The following HIRA variants were observed in gnomAD, a reference collection of about 807,000 sequenced individuals.
HIRA encodes protein HIRA.
A neutral mutation model predicts 126.6 loss-of-function variants in HIRA; 13 were observed. That is an observed-to-expected ratio of 0.10 (90% CI 0.07 to 0.16). The LOEUF (loss-of-function observed/expected upper bound fraction) is 0.16. Among genes scored for constraint, HIRA ranks in the 10% least tolerant of loss-of-function variants. The probability of loss-of-function intolerance (pLI) is 1.00; values close to 1 mark genes in which losing one functional copy is unlikely to be tolerated. For missense variants in HIRA, 834 were observed against 1,314.4 expected (o/e 0.63, Z 5.65); for synonymous variants, 511 against 520.0 (o/e 0.98, Z 0.24).
chr22:19,380,555 ATCT>A (rs974627965), intron 13 of HIRA, among the ~76,000 whole-genome samples: 5 of 152,160 alleles, frequency 3.3e-5, no homozygotes, highest in African/African-American at 7.2e-5. Flanking sequence ...TCCCTGGCTA[ATCT>A]TCTTTTTCAG....
chr22:19,345,361 T>C lies in HIRA; in HGVS notation c.2937+5997A>G, dbSNP rs185477294. On this transcript the variant is annotated intron_variant, in intron 24 of 24. Transcript: ENST00000263208. ...AATGTAAAGAGCAGCCAAGTATTAT[T>C]GATATTTCCTCACCCTTCGGCTCTC... Among the ~76,000 whole-genome samples, 14 of 152,324 alleles carry C rather than the reference T, an allele frequency of 9.2e-5. No homozygotes were observed. The East Asian group carries it at 2.3e-3, about 25-fold the overall frequency.
intron 18 of HIRA, among the ~76,000 whole-genome samples, chr22:19,357,733 C>T (rs565394631): frequency 2.0e-5 from 3 of 152,256 alleles, no homozygotes; most frequent in Admixed American, 6.5e-5. Flanking sequence ...ACAGCCAGTA[C>T]AGTGAGATCC....
At chr22:19,388,984 C>G (rs2146221962) in intron 9 of HIRA, among the ~76,000 whole-genome samples, 1 of 152,294 alleles carries the variant, frequency 6.6e-6, no homozygotes, top group South Asian at 2.1e-4. Flanking sequence ...CACATCTTCC[C>G]TGGGCCCAAG....
intron 6 of HIRA, among the ~76,000 whole-genome samples, chr22:19,397,361 C>T (rs1490685182): frequency 6.6e-6 from 1 of 152,266 alleles, no homozygotes; most frequent in East Asian, 1.9e-4. Flanking sequence ...ACGACGGTAC[C>T]CCATATAGAT....
In HIRA at chr22:19,334,264, T is replaced by C. The variant is rs182733942; in HGVS notation, c.2938-2708A>G. Among the ~76,000 whole-genome samples, 819 of 150,582 alleles carry C rather than the reference T, an allele frequency of 5.4e-3. 13 individuals carry two copies. The highest frequency in any genetic ancestry group is 0.019 in the African/African-American group (782 of 41,118). On this transcript the variant is annotated intron_variant, in intron 24 of 24. Transcript: ENST00000263208. ...TGCTGGGATTACAGGCATGAGCCACTGCACCCGGCCCTCATTTTCTTCATA... is the reference window on the plus strand; with the variant it reads ...TGCTGGGATTACAGGCATGAGCCACCGCACCCGGCCCTCATTTTCTTCATA...
chr22:19,417,363 C>T (rs1028670836), intron 1 of HIRA, among the ~76,000 whole-genome samples: 7 of 150,190 alleles, frequency 4.7e-5, no homozygotes, highest in Non-Finnish European at 7.4e-5. Context: ...GTGGCTCATG[C>T]CTGTAATCCC....
At chr22:19,430,117 C>T (rs190824391) in intron 1 of HIRA, 16 of 152,274 alleles carry the variant, frequency 1.1e-4, no homozygotes, top group African/African-American at 3.9e-4. Flanking sequence ...TTATCACATA[C>T]CCATCATGTG....
chr22:19,335,102 A>G (rs1049339695), intron 24 of HIRA, among the ~76,000 whole-genome samples: 3 of 152,146 alleles, frequency 2.0e-5, no homozygotes, highest in Non-Finnish European at 4.4e-5. Flanking sequence ...CACTTTGCAT[A>G]ATGTGTAAAA....
intron 1 of HIRA, among the ~76,000 whole-genome samples, chr22:19,426,710 T>G (rs2089491088): frequency 6.6e-6 from 1 of 152,226 alleles, no homozygotes; most frequent in South Asian, 2.1e-4. Context: ...CAATGTTTGT[T>G]GCATAAATCA....
At chr22:19,377,795 A>G in intron 14 of HIRA, 74 bp downstream of exon 14, 6 of 1,327,342 alleles carry the variant, frequency 4.5e-6, no homozygotes, top group Middle Eastern at 2.7e-4. Flanking sequence ...ACAGAATAAA[A>G]TTCTCTGTCC....
chr22:19,360,942 G>C (rs916841726), intron 17 of HIRA, among the ~76,000 whole-genome samples: 2 of 152,196 alleles, frequency 1.3e-5, no homozygotes, highest in Non-Finnish European at 2.9e-5. Flanking sequence ...CTTCCAGCCA[G>C]GACACCTGAG....
chr22:19,411,665 C>A (rs1422569482), intron 1 of HIRA, among the ~76,000 whole-genome samples: 2 of 152,228 alleles, frequency 1.3e-5, no homozygotes, highest in Non-Finnish European at 2.9e-5. Context: ...AAAGGAGATA[C>A]ATGACAATGA....
chr22:19,394,248 T>C, intron 8 of HIRA, 94 bp downstream of exon 8: 2 of 1,424,210 alleles, frequency 1.4e-6, no homozygotes, highest in South Asian at 2.7e-5. Context: ...AAAATTAGCT[T>C]TTAAATATTT....
intron 15 of HIRA, among the ~76,000 whole-genome samples, chr22:19,369,132 G>T (rs1268669153): frequency 6.6e-6 from 1 of 152,200 alleles, no homozygotes; most frequent in African/African-American, 2.4e-5. Flanking sequence ...TCCATCCTAG[G>T]TTCTGTCTGC....
At chr22:19,430,638 T>C (rs879851140) in intron 1 of HIRA, among the ~76,000 whole-genome samples, 1 of 52,418 alleles carries the variant, frequency 1.9e-5, no homozygotes, top group African/African-American at 7.7e-5. Flanking sequence ...CAGAGTGGGG[T>C]GGGGGAGGGG....
intron 4 of HIRA, among the ~76,000 whole-genome samples, chr22:19,406,501 G>A (rs2089309144): frequency 6.6e-6 from 1 of 152,208 alleles, no homozygotes; most frequent in South Asian, 2.1e-4. Flanking sequence ...GGTGGAGGCA[G>A]TGCTGACACA....
intron 12 of HIRA, among the ~76,000 whole-genome samples, chr22:19,385,149 C>A (rs2089114755): frequency 6.6e-6 from 1 of 152,212 alleles, no homozygotes; most frequent in Non-Finnish European, 1.5e-5. Context: ...ATTTCCAACC[C>A]CTTCCCATCA....
intron 24 of HIRA, among the ~76,000 whole-genome samples, chr22:19,345,175 G>C (rs1209890844): frequency 1.3e-5 from 2 of 152,062 alleles, no homozygotes; most frequent in Non-Finnish European, 2.9e-5. Context: ...ACCAAATTGG[G>C]AAAAAAGAAG....
intron 18 of HIRA, among the ~76,000 whole-genome samples, chr22:19,357,390 A>G (rs782726503): frequency 6.6e-6 from 1 of 152,200 alleles, no homozygotes; most frequent in Non-Finnish European, 1.5e-5. Context: ...ATAAGGCCAC[A>G]TAGTACCCAC....
Sources: gnomAD v4.1 joint callset for allele counts (sites outside exome capture counted in the v4.1 genomes callset) on GRCh38, gnomAD v4.1.1 for gene constraint, MANE v1.5 for transcripts, NCBI Gene and HGNC (gene_info 2026-07-23, HGNC 2026-07-21) for gene names.